The following BNIP2 variants were observed in gnomAD, a reference collection of about 807,000 sequenced individuals.
The protein encoded by BNIP2 is BCL2/adenovirus E1B 19 kDa protein-interacting protein 2.
A neutral mutation model predicts 43.4 loss-of-function variants in BNIP2; 36 were observed. The observed-to-expected ratio is 0.83, with a 90% CI of 0.64 to 1.10. The LOEUF (loss-of-function observed/expected upper bound fraction) is 1.10. Among genes scored for constraint, BNIP2 ranks in the 50% least tolerant of loss-of-function variants. BNIP2 has a pLI of 0.00. For missense variants in BNIP2, 417 were observed against 374.1 expected (o/e 1.11, Z -0.95); for synonymous variants, 146 against 121.0 (o/e 1.21, Z -1.35).
chr15:59,669,098 A>C, intron 8 of BNIP2, 108 bp from the exon 9 acceptor site: 1 of 1,163,428 alleles, frequency 8.6e-7, no homozygotes, highest in Non-Finnish European at 1.2e-6. Context: ...AAAACACAAA[A>C]AGATGATAAA....
intron 6 of BNIP2, 106 bp from the exon 7 acceptor site, chr15:59,671,420 G>C: frequency 2.1e-6 from 2 of 942,062 alleles, no homozygotes; most frequent in Non-Finnish European, 3.0e-6. Flanking sequence ...CCTACAATGA[G>C]AGCAACAATG....
chr15:59,665,179 G>A (rs1203497319), intron 9 of BNIP2, among the ~76,000 whole-genome samples: 8 of 152,008 alleles, frequency 5.3e-5, no homozygotes, highest in African/African-American at 1.4e-4. Context: ...TAGGAGAACC[G>A]CTTGAACCCA....
Position 59,662,003 on chromosome 15 carries a change from G to A in BNIP2, c.*2066C>T, listed in dbSNP as rs1892302893. ...CTGAATTTTAATGTTTAACAGAATA[G>A]TCTTCTACTTTTAAAAAAAATTCAG... On this transcript the variant is annotated 3_prime_UTR_variant, in exon 10 of 10. Coordinates refer to ENST00000607373, the MANE Select transcript of BNIP2 (RefSeq NM_004330.4). The A allele has an allele frequency of 6.6e-6, 1 of 152,060 alleles. No individual in the cohort carries two copies. The highest frequency in any genetic ancestry group is 1.5e-5 in the Non-Finnish European group (1 of 68,016). 9.4% of individuals were successfully genotyped at this position (152,060 alleles called of 1,614,324 possible).
intron 7 of BNIP2, 65 bp downstream of exon 7, chr15:59,671,118 A>T: frequency 2.2e-6 from 3 of 1,385,346 alleles, no homozygotes; most frequent in Non-Finnish European, 2.9e-6. Context: ...CGAAAAACAA[A>T]GTTTGATTTC....
At chr15:59,685,183 G>A (rs1275081932) in intron 1 of BNIP2, among the ~76,000 whole-genome samples, 1 of 152,172 alleles carries the variant, frequency 6.6e-6, no homozygotes. Flanking sequence ...CTTAACCAAT[G>A]GAACAAGTTT....
Position 59,669,291 on chromosome 15 carries a change from G to C in BNIP2, c.779C>G (p.Thr260Arg). The change falls in exon 8 of 10, where the codon ACA becomes AGA. Residue 260 changes from threonine (T) to arginine (R), a missense_variant. By Grantham distance (71) the Thr-to-Arg change is moderately conservative (BLOSUM62 -1). Transcript: ENST00000607373. The stretch of plus-strand genomic sequence containing the variant: ...CAAAAATTACCTAATAAATGGTCTT[G>C]TAACAGCCAGAAGTGTTCTGATAAA... ...SWFIRTLLAV[T>R]RPFISSKFSQ... 6.4e-7 allele frequency: 1 copy of C among 1,552,450 alleles called. No homozygotes were observed. Among genetic ancestry groups the C allele is most frequent in the Non-Finnish European group, 8.6e-7 (1 of 1,157,846 alleles).
intron 1 of BNIP2, among the ~76,000 whole-genome samples, chr15:59,686,626 G>A (rs1442035128): frequency 6.6e-6 from 1 of 151,834 alleles, no homozygotes; most frequent in Admixed American, 6.6e-5. Context: ...GTATGTTTAG[G>A]AGATCACCAA....
chr15:59,680,670 G>C (rs186211668), intron 2 of BNIP2, among the ~76,000 whole-genome samples: 17 of 152,256 alleles, frequency 1.1e-4, no homozygotes, highest in African/African-American at 3.9e-4. Context: ...CTAAGTGTTG[G>C]GATTACAGGC....
At chr15:59,677,783 G>T in intron 5 of BNIP2, 128 bp downstream of exon 5, 3 of 1,240,992 alleles carry the variant, frequency 2.4e-6, no homozygotes, top group Non-Finnish European at 3.2e-6. Flanking sequence ...TACAAAAGAC[G>T]AGTCTCTCAA....
At chr15:59,678,587 TA>T (rs1392337762) in intron 4 of BNIP2, 1 of 1,114,584 alleles carries the variant, frequency 9.0e-7, no homozygotes, top group Non-Finnish European at 1.1e-6. Context: ...AGCAGAAATG[TA>T]TTTATAATAC....
chr15:59,678,660 A>G, intron 4 of BNIP2: 2 of 1,184,328 alleles, frequency 1.7e-6, no homozygotes, highest in South Asian at 3.3e-5. Context: ...AGCACCAATG[A>G]TTAAGTGTAA....
In BNIP2 at chr15:59,669,392, C is replaced by G. The variant is rs200051385; in HGVS notation, c.708-30G>C. 38 of 1,328,130 alleles carry G rather than the reference C, an allele frequency of 2.9e-5. No homozygotes were observed. In the East Asian group the frequency reaches 3.9e-4, roughly 14 times the overall value. The allele number at this position is 1,328,130 out of a possible 1,614,324, so 82.3% of individuals were successfully genotyped here. The stretch of plus-strand genomic sequence containing the variant: ...AGTTTAAAAAAAAAACACACACACA[C>G]AAAGAAAATTAAAAATTTCTATAAA... On this transcript the variant is annotated intron_variant, in intron 7 of 9. Coordinates refer to ENST00000607373, the MANE Select transcript of BNIP2 (RefSeq NM_004330.4).
At chr15:59,682,640 T>C (rs537426526) in intron 1 of BNIP2, 126 bp from the exon 2 acceptor site, 13 of 718,680 alleles carry the variant, frequency 1.8e-5, no homozygotes, top group South Asian at 1.4e-4. Flanking sequence ...TGAAATTCAT[T>C]TACAGGGTTG....
intron 1 of BNIP2, chr15:59,688,570 T>C (rs1489919891): frequency 1.1e-5 from 9 of 810,424 alleles, no homozygotes; most frequent in South Asian, 5.1e-5. Context: ...CCAAACCATT[T>C]TGCCAGGTAT....
At position 59,660,031 on chromosome 15, in the gene BNIP2, A is replaced by AG. The variant is rs1474525394; in HGVS notation, c.*4037dup. The AG allele has an allele frequency of 2.6e-5, 4 of 152,292 alleles. No homozygotes were observed. The highest frequency in any genetic ancestry group is 9.6e-5 in the African/African-American group (4 of 41,548). The allele number at this position is 152,292 out of a possible 1,614,324, so 9.4% of individuals were successfully genotyped here. Reference sequence around the variant, plus strand: ...TCATTCAGAATTTCAAGAAGGGCAGAGGGGGATGCTTGCCAGGTAATTCTT... The same window carrying AG: ...TCATTCAGAATTTCAAGAAGGGCAGAGGGGGGATGCTTGCCAGGTAATTCTT... On this transcript the variant is annotated 3_prime_UTR_variant, in exon 10 of 10. Coordinates refer to ENST00000607373, the MANE Select transcript of BNIP2 (RefSeq NM_004330.4).
rs1892385159 is a variant in BNIP2 at position 59,663,529 on chromosome 15, A to G, written c.*540T>C. 6.6e-6 allele frequency: 1 copy of G among 152,658 alleles called. No homozygotes were observed. Among genetic ancestry groups the G allele is most frequent in the Non-Finnish European group, 1.5e-5 (1 of 68,056 alleles). The allele number at this position is 152,658 out of a possible 1,614,324, so 9.5% of individuals were successfully genotyped here. On this transcript the variant is annotated 3_prime_UTR_variant, in exon 10 of 10. Transcript: ENST00000607373. ...ACATGATCTTTGGGTATTCATGACA[A>G]TCAGTTTAACCATCTGTTGCCTTAT...
At chr15:59,679,851 C>T (rs1893546638) in intron 3 of BNIP2, 83 bp from the exon 4 acceptor site, 2 of 1,176,976 alleles carry the variant, frequency 1.7e-6, no homozygotes, top group African/African-American at 1.6e-5. Flanking sequence ...TTAACTACCC[C>T]ATTCTTGGGA....
At chr15:59,678,458 A>C in intron 4 of BNIP2, 2 of 1,073,074 alleles carry the variant, frequency 1.9e-6, no homozygotes, top group Non-Finnish European at 1.1e-6. Context: ...ACTATAGGTT[A>C]CTTCAAGTAG....
intron 5 of BNIP2, among the ~76,000 whole-genome samples, chr15:59,675,725 TA>T (rs1256331000): frequency 3.3e-5 from 5 of 151,154 alleles, no homozygotes; most frequent in East Asian, 1.9e-4. Context: ...CACATGCACA[TA>T]AAAAAAAACG....
Sources: gnomAD v4.1 joint callset for allele counts (sites outside exome capture counted in the v4.1 genomes callset) on GRCh38, gnomAD v4.1.1 for gene constraint, MANE v1.5 for transcripts, NCBI Gene and HGNC (gene_info 2026-07-23, HGNC 2026-07-21) for gene names.